Variants in NEDD4L observed in about 807,000 individuals in gnomAD.
NEDD4L encodes the protein NEDD4 like E3 ubiquitin protein ligase, also known as E3 ubiquitin-protein ligase NEDD4-like.
NEDD4L carries 54 observed loss-of-function variants against 148.9 expected under a neutral mutation model. That is an observed-to-expected ratio of 0.36 (90% CI 0.29 to 0.45). NEDD4L has a LOEUF of 0.45. Ranked by LOEUF, NEDD4L falls within the 20% of genes least tolerant of loss-of-function variation. NEDD4L has a pLI of 1.00. For synonymous variants in NEDD4L, 433 were observed against 440.7 expected (o/e 0.98, Z 0.22); for missense variants, 856 against 1,233.8 (o/e 0.69, Z 4.59).
At chr18:58,195,861 C>T (rs938149131) in intron 2 of NEDD4L, 5 of 475,786 alleles carry the variant, frequency 1.1e-5, no homozygotes, top group African/African-American at 6.1e-5. Context: ...ATTATTTGAA[C>T]TTGCTTGCTT....
Position 58,252,043 on chromosome 18 carries a change from GA to G in NEDD4L, c.290del (p.Asn97IlefsTer3). The G allele has an allele frequency of 1.3e-6, 2 of 1,592,898 alleles. No homozygotes were observed. The highest frequency in any genetic ancestry group is 1.7e-6 in the Non-Finnish European group (2 of 1,160,838). ...CAGACTCCTATTTGAAGTATTTGAC[GA>G]AAATAGACTGGTAAGTGGATGCCTG... Reference protein sequence around the residue: ...NHRLLFEVFDENRLTRDDFLG... With the variant: ...NHRLLFEVFDXNRLTRDDFLG... On this transcript the variant is annotated frameshift_variant, in exon 5 of 31. Coordinates refer to ENST00000400345, the MANE Select transcript of NEDD4L (RefSeq NM_001144967.3). LOFTEE classifies it high-confidence loss of function.
intron 1 of NEDD4L, among the ~76,000 whole-genome samples, chr18:58,107,030 A>G (rs2085106742): frequency 6.6e-6 from 1 of 152,196 alleles, no homozygotes; most frequent in African/African-American, 2.4e-5. Flanking sequence ...AAGTGTTGAC[A>G]GGCATGGGTT....
At chr18:58,046,812 T>G (rs1170139186) in intron 1 of NEDD4L, 2 of 152,232 alleles carry the variant, frequency 1.3e-5, no homozygotes, top group African/African-American at 4.8e-5. Context: ...ATCTATTTAT[T>G]GCCATGTCGC....
intron 5 of NEDD4L, 71 bp from the exon 6 acceptor site, chr18:58,315,911 A>G (rs938595447): frequency 2.2e-6 from 3 of 1,336,468 alleles, no homozygotes; most frequent in Admixed American, 3.4e-5. Context: ...ATTCATGATA[A>G]AACATTTTTA....
intron 5 of NEDD4L, among the ~76,000 whole-genome samples, chr18:58,278,365 TG>T (rs2148921536): frequency 6.6e-6 from 1 of 152,314 alleles, no homozygotes; most frequent in South Asian, 2.1e-4. Flanking sequence ...CTGCCCCTCC[TG>T]CCTCTTCACT....
intron 2 of NEDD4L, among the ~76,000 whole-genome samples, chr18:58,184,543 G>T (rs999306739): frequency 3.3e-5 from 5 of 152,126 alleles, no homozygotes; most frequent in Admixed American, 3.3e-4. Flanking sequence ...GTTTTCCAGA[G>T]AAACCGATCA....
intron 1 of NEDD4L, among the ~76,000 whole-genome samples, chr18:58,120,609 C>T (rs1176046436): frequency 2.0e-5 from 3 of 152,060 alleles, no homozygotes; most frequent in Non-Finnish European, 4.4e-5. Context: ...GAAACCCCGT[C>T]TCTACTAAAA....
At chr18:58,059,253 T>A (rs2144653960) in intron 1 of NEDD4L, among the ~76,000 whole-genome samples, 1 of 152,304 alleles carries the variant, frequency 6.6e-6, no homozygotes, top group East Asian at 1.9e-4. Flanking sequence ...CTAGTCTGTG[T>A]CATTACTGAG....
At chr18:58,055,071 A>C (rs1234949957) in intron 1 of NEDD4L, among the ~76,000 whole-genome samples, 1 of 152,206 alleles carries the variant, frequency 6.6e-6, no homozygotes, top group Non-Finnish European at 1.5e-5. Context: ...TACCACGAAG[A>C]TGTCACCAGT....
intron 1 of NEDD4L, among the ~76,000 whole-genome samples, chr18:58,139,316 G>C (rs2033225021): frequency 6.8e-6 from 1 of 146,332 alleles, no homozygotes; most frequent in Non-Finnish European, 1.5e-5. Flanking sequence ...CCCCATACAG[G>C]AGACCCTCAG....
intron 30 of NEDD4L, among the ~76,000 whole-genome samples, chr18:58,392,325 G>A (rs934432896): frequency 7.2e-5 from 11 of 152,200 alleles, no homozygotes; most frequent in Middle Eastern, 3.2e-3. Flanking sequence ...GGTGAGCAGC[G>A]TAGCCCTGTG....
intron 2 of NEDD4L, among the ~76,000 whole-genome samples, chr18:58,168,990 G>A (rs1474844001): frequency 6.6e-6 from 1 of 151,950 alleles, no homozygotes; most frequent in Non-Finnish European, 1.5e-5. Flanking sequence ...AGTGGAGCAC[G>A]TCATCTCTCC....
intron 2 of NEDD4L, among the ~76,000 whole-genome samples, chr18:58,228,720 T>TC (rs2044680672): frequency 6.6e-6 from 1 of 151,896 alleles, no homozygotes; most frequent in Non-Finnish European, 1.5e-5. Context: ...GTCAGGGAGG[T>TC]CTGTGTGGAG....
rs760779722 is a variant in NEDD4L, at chr18:58,252,017, A to T, written c.260A>T (p.His87Leu). The T allele has an allele frequency of 6.3e-7, 1 of 1,584,782 alleles. No homozygotes were observed. Among genetic ancestry groups the T allele is most frequent in the Non-Finnish European group, 8.7e-7 (1 of 1,153,410 alleles). Residue 87 changes from histidine to leucine, a missense_variant, in exon 5 of 31, where the codon CAC becomes CTC. Physicochemically the swap from His to Leu is moderately conservative, Grantham distance 99. Around this residue, in one of 4 missense-constraint regions of NEDD4L, gnomAD observed 193 missense variants for 244.2 expected, o/e 0.79. Transcript: ENST00000400345. ...TCCTTATAGGTAAACCCATCTAATC[A>T]CAGACTCCTATTTGAAGTATTTGAC... is the stretch of plus-strand genomic sequence containing the variant. ...EFYFRVNPSNHRLLFEVFDEN... is the reference protein window; with the variant it reads ...EFYFRVNPSNLRLLFEVFDEN...
chr18:58,302,617 AT>A (rs1200126067), intron 5 of NEDD4L, among the ~76,000 whole-genome samples: 1 of 152,258 alleles, frequency 6.6e-6, no homozygotes, highest in Admixed American at 6.5e-5. Flanking sequence ...AATTTAAAAT[AT>A]TGACAGTAGC....
intron 2 of NEDD4L, chr18:58,195,639 C>T (rs751497498): frequency 1.7e-5 from 23 of 1,350,832 alleles, no homozygotes; most frequent in Middle Eastern, 2.1e-4. Flanking sequence ...CTCCTCGCCG[C>T]CGTTGCTGTT....
At chr18:58,154,065 G>C (rs148316521) in intron 1 of NEDD4L, among the ~76,000 whole-genome samples, 1 of 152,372 alleles carries the variant, frequency 6.6e-6, no homozygotes, top group African/African-American at 2.4e-5. Flanking sequence ...GCACTGAGTA[G>C]AGGTTGATCG....
chr18:58,379,107 G>T (rs1188405717), intron 24 of NEDD4L, among the ~76,000 whole-genome samples: 1 of 152,242 alleles, frequency 6.6e-6, no homozygotes, highest in Non-Finnish European at 1.5e-5. Flanking sequence ...AGCCCTGGGA[G>T]GGCGGGGTGT....
Position 58,092,126 on chromosome 18 carries a change from A to G in NEDD4L, c.48+47418A>G, listed in dbSNP as rs181426752. On this transcript the variant is annotated intron_variant, in intron 1 of 30. Coordinates refer to ENST00000400345, the MANE Select transcript of NEDD4L (RefSeq NM_001144967.3). ...GTTACAGATGTGAGTAAAAGAGGGGATGGCAGGGGGCAGAAGTCAGGGCAG... is the reference window on the plus strand; with the variant it reads ...GTTACAGATGTGAGTAAAAGAGGGGGTGGCAGGGGGCAGAAGTCAGGGCAG... Among the ~76,000 whole-genome samples, 41 of 152,376 alleles carry G rather than the reference A, an allele frequency of 2.7e-4. No homozygotes were observed. In the East Asian group the frequency reaches 5.0e-3, roughly 19 times the overall value.
Sources: gnomAD v4.1 joint callset for allele counts (sites outside exome capture counted in the v4.1 genomes callset) on GRCh38, gnomAD v4.1.1 for gene constraint, gnomAD v4.1.1 regional missense constraint, MANE v1.5 for transcripts, NCBI Gene and HGNC (gene_info 2026-07-23, HGNC 2026-07-21) for gene names.